Variants in CPQ observed in about 807,000 individuals in gnomAD.
The protein encoded by CPQ is Ser-Met dipeptidase.
Under a neutral mutation model 45.7 loss-of-function variants are expected in CPQ, and 37 were observed. That is an observed-to-expected ratio of 0.81 (90% CI 0.62 to 1.07). The LOEUF (loss-of-function observed/expected upper bound fraction) is 1.07. Ranked by LOEUF, CPQ falls within the 50% of genes least tolerant of loss-of-function variation. The pLI is 0.00. For synonymous variants in CPQ, 186 were observed against 205.8 expected (o/e 0.90, Z 0.82); for missense variants, 537 against 572.9 (o/e 0.94, Z 0.64).
intron 4 of CPQ, among the ~76,000 whole-genome samples, chr8:96,900,958 C>T (rs913128240): frequency 6.6e-6 from 1 of 152,184 alleles, no homozygotes; most frequent in Admixed American, 6.5e-5. Context: ...GGCCCCATGT[C>T]TCTGCCAATT....
chr8:97,117,952 C>T (rs7844514), intron 7 of CPQ, among the ~76,000 whole-genome samples: 12,925 of 152,126 alleles, frequency 0.085, 697 homozygotes, highest in African/African-American at 0.15. Context: ...TTCACACATT[C>T]CCTGGATTGG....
chr8:97,075,957 A>C (rs1020775099), intron 7 of CPQ, among the ~76,000 whole-genome samples: 2 of 152,148 alleles, frequency 1.3e-5, no homozygotes, highest in African/African-American at 4.8e-5. Context: ...TTCATTTATA[A>C]ATATTTTAAT....
intron 1 of CPQ, among the ~76,000 whole-genome samples, chr8:96,750,862 C>A (rs1456735233): frequency 6.6e-6 from 1 of 152,114 alleles, no homozygotes; most frequent in East Asian, 1.9e-4. Context: ...ATTCAGCTCC[C>A]ACTTATAAGT....
chr8:96,652,786 C>T (rs1208507684), intron 1 of CPQ, among the ~76,000 whole-genome samples: 2 of 152,148 alleles, frequency 1.3e-5, no homozygotes, highest in Non-Finnish European at 2.9e-5. Flanking sequence ...GCGCCCGCCA[C>T]CATGCCCGGC....
intron 4 of CPQ, among the ~76,000 whole-genome samples, chr8:96,961,692 A>G (rs961881499): frequency 1.3e-5 from 2 of 152,216 alleles, no homozygotes; most frequent in African/African-American, 4.8e-5. Context: ...TCTTCCCACC[A>G]GAATCTAAAT....
At chr8:97,022,213 C>G (rs986631640) in intron 5 of CPQ, among the ~76,000 whole-genome samples, 1 of 152,178 alleles carries the variant, frequency 6.6e-6, no homozygotes, top group African/African-American at 2.4e-5. Flanking sequence ...CCTCATCTCT[C>G]ACCTTATACA....
At chr8:96,832,172 G>A (rs1484045084) in intron 2 of CPQ, among the ~76,000 whole-genome samples, 1 of 152,122 alleles carries the variant, frequency 6.6e-6, no homozygotes, top group African/African-American at 2.4e-5. Context: ...TGTAAAGTAA[G>A]GGTAACCAGG....
At chr8:96,877,350 C>T (rs931537174) in intron 3 of CPQ, among the ~76,000 whole-genome samples, 1 of 152,142 alleles carries the variant, frequency 6.6e-6, no homozygotes, top group Non-Finnish European at 1.5e-5. Context: ...GGCTCACTGT[C>T]CCCACTTTAA....
At chr8:97,109,079 T>G (rs1811458120) in intron 7 of CPQ, among the ~76,000 whole-genome samples, 1 of 152,164 alleles carries the variant, frequency 6.6e-6, no homozygotes, top group Non-Finnish European at 1.5e-5. Flanking sequence ...CTTACCAACT[T>G]TCTTGTACAT....
chr8:96,652,877 G>A (rs577887240), intron 1 of CPQ, among the ~76,000 whole-genome samples: 9 of 152,082 alleles, frequency 5.9e-5, no homozygotes, highest in Non-Finnish European at 1.3e-4. Flanking sequence ...CTCGTGATCC[G>A]CCCGCCTCAG....
intron 4 of CPQ, among the ~76,000 whole-genome samples, chr8:96,888,112 C>T (rs1457407825): frequency 6.6e-6 from 1 of 152,146 alleles, no homozygotes; most frequent in East Asian, 1.9e-4. Context: ...TGTTTAGCAA[C>T]ATTCTTGGCC....
At chr8:96,792,974 C>A (rs1810869720) in intron 2 of CPQ, among the ~76,000 whole-genome samples, 1 of 152,034 alleles carries the variant, frequency 6.6e-6, no homozygotes, top group Non-Finnish European at 1.5e-5. Flanking sequence ...GATGGTTATA[C>A]AACCATCAGA....
intron 4 of CPQ, among the ~76,000 whole-genome samples, chr8:96,963,570 C>T (rs888815334): frequency 9.2e-5 from 14 of 152,138 alleles, no homozygotes; most frequent in African/African-American, 3.4e-4. Flanking sequence ...GTCCTGCTTT[C>T]CCAAAGTCAT....
intron 6 of CPQ, among the ~76,000 whole-genome samples, chr8:97,053,576 A>G (rs992858744): frequency 5.9e-5 from 9 of 152,290 alleles, no homozygotes; most frequent in African/African-American, 2.2e-4. Context: ...GAGGAAGCCA[A>G]TGTGCTTGAA....
intron 7 of CPQ, among the ~76,000 whole-genome samples, chr8:97,142,680 T>C (rs62510581): frequency 0.28 from 43,166 of 152,174 alleles, 7,289 homozygotes; most frequent in East Asian, 0.62. Context: ...TTTCCAAATG[T>C]AGGCTACTTC....
At chr8:97,008,696 G>A (rs148439385) in intron 5 of CPQ, among the ~76,000 whole-genome samples, 28 of 152,292 alleles carry the variant, frequency 1.8e-4, no homozygotes, top group African/African-American at 6.7e-4. Flanking sequence ...GTGACCATAA[G>A]TGAGTTGCTT....
At chr8:96,864,262 C>T (rs1468558534) in intron 3 of CPQ, among the ~76,000 whole-genome samples, 1 of 152,042 alleles carries the variant, frequency 6.6e-6, no homozygotes, top group East Asian at 1.9e-4. Flanking sequence ...TTTAGCTGTT[C>T]CAGTCCCCAC....
chr8:96,959,906 A>C (rs1813426465), intron 4 of CPQ, among the ~76,000 whole-genome samples: 1 of 151,614 alleles, frequency 6.6e-6, no homozygotes, highest in Non-Finnish European at 1.5e-5. Flanking sequence ...AAAAAAAAAA[A>C]AAAACCAAAA....
intron 5 of CPQ, among the ~76,000 whole-genome samples, chr8:97,020,672 G>T (rs117801515): frequency 6.6e-6 from 1 of 151,838 alleles, no homozygotes; most frequent in Non-Finnish European, 1.5e-5. Flanking sequence ...AGCTTAGATC[G>T]GAAAGAATTA....
Sources: allele counts gnomAD v4.1 joint callset (sites outside exome capture counted in the v4.1 genomes callset), GRCh38; gene constraint gnomAD v4.1.1; transcripts MANE v1.5; gene names NCBI Gene and HGNC (gene_info 2026-07-23, HGNC 2026-07-21).